Variants in CFAP52 observed in about 807,000 individuals in gnomAD.
CFAP52 encodes the protein cilia- and flagella-associated protein 52.
CFAP52 carries 57 observed loss-of-function variants against 70.5 expected under a neutral mutation model. The ratio of observed to expected loss-of-function variants is 0.81; its 90% CI spans 0.65 to 1.01. The LOEUF (loss-of-function observed/expected upper bound fraction) is 1.01, where lower values mean the gene tolerates loss of function less well. CFAP52 is among the 50% of genes least tolerant of loss of function. The probability of loss-of-function intolerance (pLI) is 0.00; values close to 1 mark genes in which losing one functional copy is unlikely to be tolerated. For synonymous variants in CFAP52, 267 were observed against 292.5 expected, an observed-to-expected ratio of 0.91 and a Z score of 0.89; for missense variants, 785 against 788.5, an observed-to-expected ratio of 1.00 and a Z score of 0.05.
chr17:9,597,119 T>C (rs1021315878), intron 4 of CFAP52, among the ~76,000 whole-genome samples: 3 of 152,158 alleles, frequency 2.0e-5, no homozygotes, highest in African/African-American at 7.2e-5. Flanking sequence ...TCTCATGCGT[T>C]AGGCTTTTTT....
Position 9,596,487 on chromosome 17 carries a change from A to G in CFAP52, c.537-1747A>G, listed in dbSNP as rs116586188. On this transcript the variant is annotated intron_variant, in intron 4 of 13. Coordinates refer to ENST00000352665, the MANE Select transcript of CFAP52 (RefSeq NM_145054.5). ...GTGATGTTGGCCTTGAAATTTTTAT[A>G]CAATTATTAATTCAGATTAATTCAA... 3.8e-3 allele frequency among the ~76,000 whole-genome samples: 578 copies of G among 152,216 alleles called. 3 individuals are homozygous for G. Among genetic ancestry groups the G allele is most frequent in the African/African-American group, 0.013 (545 of 41,554 alleles).
In CFAP52 at chr17:9,632,909, G is replaced by A. The variant is rs762206085; in HGVS notation, c.1196G>A (p.Arg399Gln). 6.8e-6 allele frequency: 11 copies of A among 1,613,914 alleles called. No homozygotes were observed. Among genetic ancestry groups the A allele is most frequent in the African/African-American group, 6.7e-5 (5 of 74,914 alleles). Residue 399 changes from arginine to glutamine, a missense_variant, in exon 10 of 14, where the codon CGA becomes CAA. Transcript: ENST00000352665. ...CCAGCATGGAACGACGGTAAAATCC[G>A]AGCCTTCGCCCCAGAGACAGGCCGA... is the stretch of plus-strand genomic sequence containing the variant. ...IISAWNDGKI[R>Q]AFAPETGRLM...
chr17:9,601,747 A>T (rs766382154), intron 6 of CFAP52, among the ~76,000 whole-genome samples: 2 of 152,252 alleles, frequency 1.3e-5, no homozygotes, highest in Non-Finnish European at 2.9e-5. Context: ...GGATAATTTT[A>T]TATAACAAAT....
chr17:9,645,393 G>A (rs928519500), downstream of CFAP52: 3 of 272,318 alleles, frequency 1.1e-5, no homozygotes, highest in African/African-American at 6.7e-5. The surrounding 1 kb of genome is among the most constrained non-coding windows in gnomAD (Gnocchi z 6.8). Context: ...CAGCGCAGCG[G>A]GGGCGGCACC....
At chr17:9,614,407 T>C (rs1329325175) in intron 8 of CFAP52, among the ~76,000 whole-genome samples, 1 of 151,978 alleles carries the variant, frequency 6.6e-6, no homozygotes, top group Admixed American at 6.6e-5. Context: ...CCACCCGCCT[T>C]GGCCTCCCAA....
At chr17:9,594,714 A>G (rs1333574450) in intron 4 of CFAP52, among the ~76,000 whole-genome samples, 1 of 152,188 alleles carries the variant, frequency 6.6e-6, no homozygotes, top group African/African-American at 2.4e-5. Flanking sequence ...TCTGCCAGGA[A>G]GTTTCAAATG....
chr17:9,583,873 T>C (rs1908330507), intron 1 of CFAP52, among the ~76,000 whole-genome samples: 1 of 152,186 alleles, frequency 6.6e-6, no homozygotes, highest in East Asian at 1.9e-4. Flanking sequence ...GGGCCACTTG[T>C]CACTTGAAAG....
chr17:9,596,331 G>C (rs1909019304), intron 4 of CFAP52, among the ~76,000 whole-genome samples: 1 of 151,538 alleles, frequency 6.6e-6, no homozygotes, highest in South Asian at 2.1e-4. Context: ...GAACTCCTGA[G>C]CTCAGGCAAT....
chr17:9,576,671 G>C lies in CFAP52; in HGVS notation c.-25G>C. ...GACGCTGCAGCCACTAGGGAGGAGAGCAAAGTAATCAGAACCTCCCAAGGA... is the reference window on the plus strand; with the variant it reads ...GACGCTGCAGCCACTAGGGAGGAGACCAAAGTAATCAGAACCTCCCAAGGA... On this transcript the variant is annotated 5_prime_UTR_variant, in exon 1 of 14. Coordinates refer to ENST00000352665, the MANE Select transcript of CFAP52 (RefSeq NM_145054.5). 1 of 1,600,036 alleles carries C rather than the reference G, an allele frequency of 6.2e-7. No individual in the cohort carries two copies. The highest frequency in any genetic ancestry group is 2.3e-5 in the East Asian group (1 of 43,832).
chr17:9,641,880 G>C, intron 13 of CFAP52, 45 bp downstream of exon 13: 2 of 1,544,556 alleles, frequency 1.3e-6, no homozygotes, highest in South Asian at 1.1e-5. Flanking sequence ...TTATTTAGAC[G>C]AGGACATGGA....
intron 4 of CFAP52, among the ~76,000 whole-genome samples, chr17:9,597,027 C>T (rs1270669820): frequency 6.6e-6 from 1 of 152,000 alleles, no homozygotes; most frequent in African/African-American, 2.4e-5. Context: ...CCTCCTCCTC[C>T]TGTTGAACTG....
intron 5 of CFAP52, among the ~76,000 whole-genome samples, chr17:9,598,760 C>CAAA (rs71135996): frequency 1.5e-5 from 2 of 132,554 alleles, no homozygotes; most frequent in African/African-American, 2.7e-5. Flanking sequence ...CACTCTGTTT[C>CAAA]AAAAAAAAAA....
Position 9,612,457 on chromosome 17 carries a change from G to C in CFAP52, c.1003G>C (p.Val335Leu), listed in dbSNP as rs150116794. ...TLIATCHFDA[V>L]EDIVFPFGTA... ...CATAGCGACTTGTCACTTTGATGCT[G>C]TCGAGGATATTGTCTTTCCATTGTG... Residue 335 changes from valine to leucine, a missense_variant, in exon 8 of 14, where the codon GTC (valine) becomes CTC (leucine). Transcript: ENST00000352665. 6.2e-7 allele frequency: 1 copy of C among 1,614,112 alleles called. No individual in the cohort carries two copies. Among genetic ancestry groups the C allele is most frequent in the African/African-American group, 1.3e-5 (1 of 75,074 alleles).
At chr17:9,640,540 C>T (rs1911006691) in intron 12 of CFAP52, among the ~76,000 whole-genome samples, 1 of 152,124 alleles carries the variant, frequency 6.6e-6, no homozygotes, top group Admixed American at 6.6e-5. Context: ...ATAATGGCTC[C>T]CAACTCCATC....
chr17:9,590,481 A>C, intron 3 of CFAP52: 2 of 182,376 alleles, frequency 1.1e-5, no homozygotes, highest in South Asian at 2.6e-4. Flanking sequence ...AAACATTCTC[A>C]TGGCTTTGGC....
chr17:9,589,801 C>CTTTTTTTTTTTTT (rs3060109), intron 3 of CFAP52: 5 of 93,182 alleles, frequency 5.4e-5, no homozygotes, highest in African/African-American at 8.2e-5. Context: ...CTTAGCTCAA[C>CTTTTTTTTTTTTT]TTTTTTTTTT....
intron 1 of CFAP52, among the ~76,000 whole-genome samples, chr17:9,582,415 ATC>A (rs1438531586): frequency 2.6e-5 from 4 of 152,164 alleles, no homozygotes; most frequent in Non-Finnish European, 5.9e-5. Flanking sequence ...ATGAGGTTGC[ATC>A]TCTTTTTGTA....
intron 4 of CFAP52, 77 bp downstream of exon 4, chr17:9,594,398 T>C: frequency 6.5e-7 from 1 of 1,540,876 alleles, no homozygotes. Flanking sequence ...GTCATTCTGA[T>C]CTGGGGGAAC....
rs1555545305 is a variant in CFAP52 at position 9,643,087 on chromosome 17, G to A, written c.1752G>A (p.Val584=). 1.2e-6 allele frequency: 2 copies of A among 1,613,048 alleles called. No individual in the cohort carries two copies. The highest frequency in any genetic ancestry group is 1.1e-5 in the South Asian group (1 of 90,724). ...AGGGTGAAGTGACTCACGTTGGGGT[G>A]GGACACAGTGGCAACATCACACGCA... The part of the protein sequence containing the change: ...YNEGEVTHVG[V]GHSGNITRIR... Residue 584 remains valine (V), a synonymous_variant, in exon 14 of 14, where the codon GTG becomes GTA. Coordinates refer to ENST00000352665, the MANE Select transcript of CFAP52 (RefSeq NM_145054.5).
Sources: gnomAD v4.1 joint callset for allele counts (sites outside exome capture counted in the v4.1 genomes callset) on GRCh38, gnomAD v4.1.1 for gene constraint, Gnocchi (gnomAD v3.1) non-coding constraint, MANE v1.5 for transcripts, NCBI Gene and HGNC (gene_info 2026-07-23, HGNC 2026-07-21) for gene names.